Variants in ABLIM1 observed in about 807,000 individuals in gnomAD.
ABLIM1 encodes the protein actin binding LIM protein 1, also known as actin-binding LIM protein 1.
Under a neutral mutation model 107.0 loss-of-function variants are expected in ABLIM1, and 40 were observed. The observed-to-expected ratio is 0.37, with a 90% CI of 0.29 to 0.49. The LOEUF (loss-of-function observed/expected upper bound fraction) is 0.49, where lower values mean the gene tolerates loss of function less well. Ranked by LOEUF, ABLIM1 falls within the 20% of genes least tolerant of loss-of-function variation. The probability of loss-of-function intolerance (pLI) is 0.97; values close to 1 mark genes in which losing one functional copy is unlikely to be tolerated. For missense variants in ABLIM1, 857 were observed against 1,008.5 expected (o/e 0.85, Z 2.04); for synonymous variants, 357 against 357.3 (o/e 1.00, Z 0.01).
At chr10:114,456,040 T>C (rs1224311464) in intron 12 of ABLIM1, among the ~76,000 whole-genome samples, 1 of 151,634 alleles carries the variant, frequency 6.6e-6, no homozygotes, top group African/African-American at 2.4e-5. Flanking sequence ...GGTCTCAATC[T>C]CCTGACCTCG....
Position 114,684,315 on chromosome 10 carries a change from AG to A in ABLIM1, c.38del (p.Pro13LeufsTer67), listed in dbSNP as rs771940734. On this transcript the variant is annotated frameshift_variant, in exon 1 of 24. Transcript: ENST00000369256. LOFTEE classifies it high-confidence loss of function. The stretch of plus-strand genomic sequence containing the variant: ...CTTTGTAGTCTCCCATGGTGTGATG[AG>A]GGTCCGTGAGCTCAGTCATTTCCAA... 4 of 1,614,148 alleles carry A rather than the reference AG, an allele frequency of 2.5e-6. No individual in the cohort carries two copies. Among genetic ancestry groups the A allele is most frequent in the Admixed American group, 3.3e-5 (2 of 60,022 alleles).
At chr10:114,470,622 A>T (rs1482449561) in intron 10 of ABLIM1, among the ~76,000 whole-genome samples, 1 of 152,128 alleles carries the variant, frequency 6.6e-6, no homozygotes, top group African/African-American at 2.4e-5. Context: ...ATGGGACATA[A>T]TTCCAGGTTA....
intron 12 of ABLIM1, among the ~76,000 whole-genome samples, chr10:114,456,144 T>G (rs1255395244): frequency 6.6e-6 from 1 of 152,132 alleles, no homozygotes; most frequent in Non-Finnish European, 1.5e-5. Context: ...AAACAACATA[T>G]AGCAGGTCCT....
chr10:114,498,503 T>C (rs2059980699), intron 6 of ABLIM1, among the ~76,000 whole-genome samples: 1 of 152,228 alleles, frequency 6.6e-6, no homozygotes, highest in Non-Finnish European at 1.5e-5. Context: ...GCTCATCTGA[T>C]AACCTGCTTA....
intron 8 of ABLIM1, among the ~76,000 whole-genome samples, chr10:114,478,166 C>G (rs2056777928): frequency 6.6e-6 from 1 of 151,964 alleles, no homozygotes; most frequent in African/African-American, 2.4e-5. Flanking sequence ...TTTTCAAGAC[C>G]CATTTGGTTT....
intron 1 of ABLIM1, among the ~76,000 whole-genome samples, chr10:114,642,049 A>T (rs1324066432): frequency 6.6e-6 from 1 of 151,472 alleles, no homozygotes; most frequent in Non-Finnish European, 1.5e-5. Context: ...TACCTGGCTG[A>T]TTTTTAATTT....
At chr10:114,700,959 C>T (rs888035573) in intron 1 of ABLIM1, among the ~76,000 whole-genome samples, 1 of 151,980 alleles carries the variant, frequency 6.6e-6, no homozygotes, top group Non-Finnish European at 1.5e-5. Context: ...TTAAACACTC[C>T]ATTCATCAAA....
chr10:114,447,481 G>A (rs1245543038), intron 15 of ABLIM1, among the ~76,000 whole-genome samples: 1 of 152,192 alleles, frequency 6.6e-6, no homozygotes, highest in African/African-American at 2.4e-5. Context: ...TTAACTGAAA[G>A]AAGTCATGCT....
intron 8 of ABLIM1, among the ~76,000 whole-genome samples, chr10:114,486,729 C>T (rs903596036): frequency 5.3e-5 from 8 of 151,936 alleles, no homozygotes; most frequent in Non-Finnish European, 7.4e-5. Flanking sequence ...TCCCCCTCAA[C>T]TTAAGTATGT....
intron 10 of ABLIM1, 38 bp from the exon 11 acceptor site, chr10:114,468,254 G>A: frequency 6.3e-7 from 1 of 1,593,636 alleles, no homozygotes; most frequent in Non-Finnish European, 8.6e-7. Flanking sequence ...CACAATGTTT[G>A]TTAACTCTTT....
intron 1 of ABLIM1, among the ~76,000 whole-genome samples, chr10:114,664,052 A>G (rs2079906267): frequency 6.6e-6 from 1 of 152,006 alleles, no homozygotes; most frequent in African/African-American, 2.4e-5. Flanking sequence ...AATCTCCAAT[A>G]CCCCAGATAA....
intron 1 of ABLIM1, among the ~76,000 whole-genome samples, chr10:114,717,926 AG>A (rs1466258387): frequency 9.5e-6 from 1 of 104,852 alleles, no homozygotes; most frequent in Non-Finnish European, 1.9e-5. Context: ...AGAGGAGAGA[AG>A]GGGGGGAAGG....
At chr10:114,712,892 C>T (rs1256053143) in intron 1 of ABLIM1, among the ~76,000 whole-genome samples, 4 of 152,136 alleles carry the variant, frequency 2.6e-5, no homozygotes, top group Admixed American at 6.6e-5. Context: ...TAATGAAACA[C>T]GCATCTTCAT....
At position 114,434,922 on chromosome 10, in the gene ABLIM1, T is replaced by C. The variant is rs1029706159; in HGVS notation, c.*1338A>G. The C allele has an allele frequency of 2.6e-5, 4 of 152,142 alleles. No homozygotes were observed. Among genetic ancestry groups the C allele is most frequent in the African/African-American group, 4.8e-5 (2 of 41,424 alleles). The allele number at this position is 152,142 out of a possible 1,614,324, so 9.4% of individuals were successfully genotyped here. A position where few individuals can be genotyped will look rare whatever the true frequency, so the allele number is the denominator to read the frequency against. On this transcript the variant is annotated 3_prime_UTR_variant, in exon 23 of 23. Transcript: ENST00000533213. Reference sequence around the variant, plus strand: ...CTACATCAGCGCCAACACCTTTCCATGAAGGAAGTGATGTTGGGGTCGCAG... The same window carrying C: ...CTACATCAGCGCCAACACCTTTCCACGAAGGAAGTGATGTTGGGGTCGCAG...
chr10:114,437,929 G>A lies in ABLIM1; in HGVS notation c.2143-5C>T. 6.2e-7 allele frequency: 1 copy of A among 1,613,116 alleles called. No individual in the cohort carries two copies. Among genetic ancestry groups the A allele is most frequent in the Middle Eastern group, 1.6e-4 (1 of 6,062 alleles). On this transcript the variant is annotated splice_region_variant and splice_polypyrimidine_tract_variant and intron_variant, in intron 21 of 22. Transcript: ENST00000533213. ...GAGCATTTCATATGGAAATATCTGA[G>A]AAGAAAGAAAACACCTCTTCTAGAA...
chr10:114,719,355 C>T (rs1482012381), intron 1 of ABLIM1, among the ~76,000 whole-genome samples: 1 of 152,182 alleles, frequency 6.6e-6, no homozygotes, highest in East Asian at 1.9e-4. Context: ...GAAGGAGGAT[C>T]TCTATTCACC....
the ABLIM1 span, among the ~76,000 whole-genome samples, chr10:114,774,206 C>T: frequency 2.6e-5 from 4 of 152,080 alleles, no homozygotes; most frequent in Admixed American, 2.0e-4. Context: ...AATCAAACAA[C>T]AAAACTGAAA....
At chr10:114,456,165 C>A (rs1230319358) in intron 12 of ABLIM1, among the ~76,000 whole-genome samples, 1 of 152,112 alleles carries the variant, frequency 6.6e-6, no homozygotes, top group Non-Finnish European at 1.5e-5. Context: ...TGAAGAACGT[C>A]GTTTATTTCA....
At chr10:114,645,371 A>C (rs1291006709) in intron 1 of ABLIM1, among the ~76,000 whole-genome samples, 1 of 152,126 alleles carries the variant, frequency 6.6e-6, no homozygotes, top group Non-Finnish European at 1.5e-5. Context: ...CTGGCTTGAT[A>C]TTGCACCTTT....
Sources: gnomAD v4.1 joint callset for allele counts (sites outside exome capture counted in the v4.1 genomes callset) on GRCh38, gnomAD v4.1.1 for gene constraint, MANE v1.5 for transcripts, NCBI Gene and HGNC (gene_info 2026-07-23, HGNC 2026-07-21) for gene names.